FBRS: variants seen among roughly 807,000 people sequenced by gnomAD.
FBRS encodes probable fibrosin-1.
Under a neutral mutation model 86.1 loss-of-function variants are expected in FBRS, and 15 were observed. The observed-to-expected ratio is 0.17, with a 90% CI of 0.12 to 0.27. The LOEUF (loss-of-function observed/expected upper bound fraction) is 0.27. Among genes scored for constraint, FBRS ranks in the 10% least tolerant of loss-of-function variants. The pLI, the probability that FBRS is intolerant of heterozygous loss-of-function variation, is 1.00. For missense variants in FBRS, 1,367 were observed against 1,301.6 expected, an observed-to-expected ratio of 1.05 and a Z score of -0.77; for synonymous variants, 666 against 575.8, an observed-to-expected ratio of 1.16 and a Z score of -2.24.
chr16:30,664,380 TC>T lies in FBRS; in HGVS notation c.1226del (p.Pro409LeufsTer48). Reference sequence around the variant, plus strand: ...CCCTGCCTTTGTCCACCCACAGCTTTCCCCCTCCCGGGCTGCGGCCCCCCCC... The same window carrying T: ...CCCTGCCTTTGTCCACCCACAGCTTTCCCCTCCCGGGCTGCGGCCCCCCCC... ...LPLPLSTHSF[P>X]PPGLRPPPPP... is the part of the protein sequence containing the mutation. On this transcript the variant is annotated frameshift_variant, in exon 7 of 18. Transcript: ENST00000356166. LOFTEE classifies it high-confidence loss of function. The T allele has an allele frequency of 6.6e-7, 1 of 1,505,920 alleles. No homozygotes were observed. 93.3% of individuals were successfully genotyped at this position (1,505,920 alleles called of 1,614,324 possible). A position where few individuals can be genotyped will look rare whatever the true frequency, so the allele number is the denominator to read the frequency against.
Position 30,667,628 on chromosome 16 carries a change from A to G in FBRS, c.2074+6A>G. 1.1e-5 allele frequency: 16 copies of G among 1,503,106 alleles called. No individual in the cohort carries two copies. Among genetic ancestry groups the G allele is most frequent in the Non-Finnish European group, 1.4e-5 (16 of 1,126,532 alleles). 93.1% of individuals were successfully genotyped at this position (1,503,106 alleles called of 1,614,324 possible). A position where few individuals can be genotyped will look rare whatever the true frequency, so the allele number is the denominator to read the frequency against. Reference sequence around the variant, plus strand: ...GAGCCCCAGCACCCACATTGGTAAGAGCCAAGGGCGTGTTGGGCAACCCAG... The same window carrying G: ...GAGCCCCAGCACCCACATTGGTAAGGGCCAAGGGCGTGTTGGGCAACCCAG... On this transcript the variant is annotated splice_donor_region_variant and intron_variant, in intron 15 of 17. Coordinates refer to ENST00000356166, the MANE Select transcript of FBRS (RefSeq NM_001105079.3).
intron 3 of FBRS, 30 bp from the exon 4 acceptor site, chr16:30,661,274 C>T (rs2052457952): frequency 6.4e-6 from 10 of 1,550,816 alleles, no homozygotes; most frequent in Non-Finnish European, 8.7e-6. Flanking sequence ...TCTTCCCTCT[C>T]GTGACACCTC....
Position 30,665,380 on chromosome 16 carries a change from G to C in FBRS, c.1683G>C (p.Leu561=). 1 of 1,570,394 alleles carries C rather than the reference G, an allele frequency of 6.4e-7. No homozygotes were observed. Among genetic ancestry groups the C allele is most frequent in the Non-Finnish European group, 8.6e-7 (1 of 1,158,194 alleles). The change falls in exon 10 of 18, where the codon CTG becomes CTC. Residue 561 remains leucine (L), a synonymous_variant. Coordinates refer to ENST00000356166, the MANE Select transcript of FBRS (RefSeq NM_001105079.3). The surrounding 1 kb of genome is among the most constrained non-coding windows in gnomAD (Gnocchi z 4.1). ...GLPPAVSFGS[L]QGAFQPKSTN... The stretch of plus-strand genomic sequence containing the variant: ...CGCCGGCCGTCTCCTTTGGCTCCCT[G>C]CAGGGGGCCTTCCAGCCCAAGGTGA...
Position 30,664,885 on chromosome 16 carries a change from C to T in FBRS, c.1528C>T (p.Pro510Ser), listed in dbSNP as rs775970910. 3 of 1,609,436 alleles carry T rather than the reference C, an allele frequency of 1.9e-6. No homozygotes were observed. The highest frequency in any genetic ancestry group is 1.3e-5 in the African/African-American group (1 of 74,914). The change falls in exon 8 of 18, where the codon CCC becomes TCC. Residue 510 changes from proline to serine, a missense_variant. Transcript: ENST00000356166. ...QHTHQHFTPY[P>S]PGLLPPHGPH... The stretch of plus-strand genomic sequence containing the variant: ...CACCCACCAGCACTTCACCCCTTAT[C>T]CCCCGGGCCTGCTGCCACCCCACGG...
At chr16:30,661,068 G>T in intron 2 of FBRS, 112 bp from the exon 3 acceptor site, 1 of 1,488,864 alleles carries the variant, frequency 6.7e-7, no homozygotes, top group Non-Finnish European at 9.1e-7. Flanking sequence ...GCAGCTGGAA[G>T]GAGAGGCTGA....
chr16:30,664,405 C>A lies in FBRS; in HGVS notation c.1246C>A (p.Pro416Thr). The change falls in exon 7 of 18, where the codon CCA (proline) becomes ACA (threonine). Residue 416 changes from proline to threonine, a missense_variant. This residue lies in a region of FBRS where 702 missense variants were observed against 598.7 expected (regional missense o/e 1.17). Coordinates refer to ENST00000356166, the MANE Select transcript of FBRS (RefSeq NM_001105079.3). ...TCCCCCTCCCGGGCTGCGGCCCCCC[C>A]CACCACCCCACCACCCCTCCTTGTT... ...SFPPPGLRPP[P>T]PPHHPSLFSP... The A allele has an allele frequency of 3.6e-6, 5 of 1,381,778 alleles. No individual in the cohort carries two copies. The highest frequency in any genetic ancestry group is 3.9e-6 in the Non-Finnish European group (4 of 1,029,798). 85.6% of individuals were successfully genotyped at this position (1,381,778 alleles called of 1,614,324 possible). A position where few individuals can be genotyped will look rare whatever the true frequency, so the allele number is the denominator to read the frequency against.
In FBRS at chr16:30,665,165, G is replaced by T; in HGVS notation, c.1608+86G>T. The T allele has an allele frequency of 6.4e-7, 1 of 1,553,110 alleles. No individual in the cohort carries two copies. On this transcript the variant is annotated intron_variant, in intron 9 of 17. Transcript: ENST00000356166. The surrounding 1 kb of genome is among the most constrained non-coding windows in gnomAD (Gnocchi z 4.1). ...TTGTGACCCTGACTGCTGGGGTCCA[G>T]TCTTCAGCACAAAAGCAAGAGCCTT...
At chr16:30,660,808 C>T (rs1193747673) in intron 2 of FBRS, among the ~76,000 whole-genome samples, 1 of 152,156 alleles carries the variant, frequency 6.6e-6, no homozygotes, top group African/African-American at 2.4e-5. Context: ...CTACAGAAGA[C>T]AAAGATGGGG....
At chr16:30,666,158 G>C (rs1393056538) in intron 11 of FBRS, 4 of 450,418 alleles carry the variant, frequency 8.9e-6, no homozygotes, top group African/African-American at 2.0e-5. Flanking sequence ...CTAGGCCAGA[G>C]GTTTTCCAAC....
Position 30,662,726 on chromosome 16 carries a change from G to C in FBRS, c.922G>C (p.Val308Leu), listed in dbSNP as rs1344647145. The C allele has an allele frequency of 1.3e-6, 2 of 1,545,016 alleles. No homozygotes were observed. Among genetic ancestry groups the C allele is most frequent in the East Asian group, 4.9e-5 (2 of 40,798 alleles). ...PPPPPVPRPP[V>L]SPPAPLPATP... ...GCCTCCACCGGTCCCTCGGCCTCCTGTCTCACCCCCTGCACCCCTGCCGGC... is the reference window on the plus strand; with the variant it reads ...GCCTCCACCGGTCCCTCGGCCTCCTCTCTCACCCCCTGCACCCCTGCCGGC... Residue 308 changes from valine to leucine, a missense_variant, in exon 6 of 18, where the codon GTC becomes CTC. Val to Leu is a conservative substitution (Grantham distance 32). Around this residue, in one of 3 missense-constraint regions of FBRS, gnomAD observed 702 missense variants for 598.7 expected, o/e 1.17. Coordinates refer to ENST00000356166, the MANE Select transcript of FBRS (RefSeq NM_001105079.3).
At position 30,662,648 on chromosome 16, in the gene FBRS, C is replaced by G; in HGVS notation, c.844C>G (p.Gln282Glu). 1.9e-6 allele frequency: 3 copies of G among 1,547,056 alleles called. No individual in the cohort carries two copies. Among genetic ancestry groups the G allele is most frequent in the Non-Finnish European group, 2.6e-6 (3 of 1,144,710 alleles). Reference sequence around the variant, plus strand: ...GTCGGGCCTGGAGCGGAGCCAAGAACAGCCCCCGGGGCCCGACCCGCTGCT... The same window carrying G: ...GTCGGGCCTGGAGCGGAGCCAAGAAGAGCCCCCGGGGCCCGACCCGCTGCT... ...KVSGLERSQE[Q>E]PPGPDPLLVP... The change falls in exon 6 of 18, where the codon CAG becomes GAG. Residue 282 changes from glutamine to glutamate, a missense_variant. Gln to Glu is a conservative substitution (Grantham distance 29). This residue lies in a region of FBRS where 702 missense variants were observed against 598.7 expected (regional missense o/e 1.17). Coordinates refer to ENST00000356166, the MANE Select transcript of FBRS (RefSeq NM_001105079.3).
chr16:30,664,459 C>T lies in FBRS; in HGVS notation c.1300C>T (p.Pro434Ser). Reference sequence around the variant, plus strand: ...CCCTGGCCCCACCCTGCCCCCACCCCCACCCCTGCTGCAGGTGCCAGGGCA... The same window carrying T: ...CCCTGGCCCCACCCTGCCCCCACCCTCACCCCTGCTGCAGGTGCCAGGGCA... ...FSPGPTLPPP[P>S]PLLQVPGHPG... Residue 434 changes from proline (P) to serine (S), a missense_variant, in exon 7 of 18, where the codon CCA becomes TCA. This residue lies in a region of FBRS where 702 missense variants were observed against 598.7 expected (regional missense o/e 1.17). Transcript: ENST00000356166. 2 of 1,422,720 alleles carry T rather than the reference C, an allele frequency of 1.4e-6. No individual in the cohort carries two copies. Among genetic ancestry groups the T allele is most frequent in the Non-Finnish European group, 1.8e-6 (2 of 1,087,170 alleles). 88.1% of individuals were successfully genotyped at this position (1,422,720 alleles called of 1,614,324 possible).
chr16:30,663,213 G>A (rs745506003), intron 6 of FBRS: 5 of 211,126 alleles, frequency 2.4e-5, no homozygotes, highest in African/African-American at 9.2e-5. Context: ...TTGCTCTGAC[G>A]CTTCCTGGCT....
Position 30,665,517 on chromosome 16 carries a change from T to C in FBRS, c.1704+116T>C, listed in dbSNP as rs1480351985. 9 of 1,421,292 alleles carry C rather than the reference T, an allele frequency of 6.3e-6. No homozygotes were observed. Among genetic ancestry groups the C allele is most frequent in the African/African-American group, 4.3e-5 (3 of 70,366 alleles). The allele number at this position is 1,421,292 out of a possible 1,614,324, so 88.0% of individuals were successfully genotyped here. On this transcript the variant is annotated intron_variant, in intron 10 of 17. Coordinates refer to ENST00000356166, the MANE Select transcript of FBRS (RefSeq NM_001105079.3). The surrounding 1 kb of genome is among the most constrained non-coding windows in gnomAD (Gnocchi z 4.1). The stretch of plus-strand genomic sequence containing the variant: ...TCGTGCCCATCCTCCTGCCCTGCCC[T>C]GCTGCACCCAGTTTTCTCCAAAGCC...
At position 30,665,772 on chromosome 16, in the gene FBRS, TGAG is replaced by T. The variant is rs752782153; in HGVS notation, c.1773+70_1773+72del. On this transcript the variant is annotated intron_variant, in intron 11 of 17. Coordinates refer to ENST00000356166, the MANE Select transcript of FBRS (RefSeq NM_001105079.3). The surrounding 1 kb of genome is among the most constrained non-coding windows in gnomAD (Gnocchi z 4.1). ...TGTTGCGGGGAGAACAGAACTGACT[TGAG>T]GAGAGTGAACTGCTGATTCCTCCCT... The T allele has an allele frequency of 1.0e-3, 1,522 of 1,452,458 alleles. 5 individuals carry two copies. Among genetic ancestry groups the T allele is most frequent in the South Asian group, 2.2e-3 (177 of 81,392 alleles). The allele number at this position is 1,452,458 out of a possible 1,614,324, so 90.0% of individuals were successfully genotyped here. A position where few individuals can be genotyped will look rare whatever the true frequency, so the allele number is the denominator to read the frequency against.
intron 4 of FBRS, 80 bp from the exon 5 acceptor site, chr16:30,662,340 C>CTCTG: frequency 6.5e-7 from 1 of 1,544,818 alleles, no homozygotes; most frequent in Non-Finnish European, 8.7e-7. Flanking sequence ...TCCTAGCAGC[C>CTCTG]TCCAGAGGCT....
Position 30,668,974 on chromosome 16 carries a change from G to A in FBRS, c.2361G>A (p.Lys787=), listed in dbSNP as rs1026671866. The A allele has an allele frequency of 2.5e-6, 4 of 1,574,224 alleles. No individual in the cohort carries two copies. The highest frequency in any genetic ancestry group is 2.6e-6 in the Non-Finnish European group (3 of 1,162,096). ...AGCCCTCCATCACCAAGGAGGAGAA[G>A]GACAGGTGTGCCTCCCACCCACCCT... The part of the protein sequence containing the change: ...RREPSITKEE[K]DRDLPFSRPQ... The change falls in exon 17 of 18, where the codon AAG becomes AAA. Residue 787 remains lysine, a synonymous_variant. Coordinates refer to ENST00000356166, the MANE Select transcript of FBRS (RefSeq NM_001105079.3).
rs61738791 is a variant in FBRS at position 30,669,198 on chromosome 16, C to T, written c.2496C>T (p.Ala832=). ...AGGAAGAGCGGAAGGAGGAGGCTGCCGCCGCCGCTGCCGCTGCTGCTGCCG... is the reference window on the plus strand; with the variant it reads ...AGGAAGAGCGGAAGGAGGAGGCTGCTGCCGCCGCTGCCGCTGCTGCTGCCG... ...RVKEERKEEA[A]AAAAAAAAAA... Residue 832 remains alanine, a synonymous_variant, in exon 18 of 18, where the codon GCC becomes GCT. Coordinates refer to ENST00000356166, the MANE Select transcript of FBRS (RefSeq NM_001105079.3). The surrounding 1 kb of genome is among the most constrained non-coding windows in gnomAD (Gnocchi z 5.9). 38 of 1,545,522 alleles carry T rather than the reference C, an allele frequency of 2.5e-5. No individual in the cohort carries two copies. The highest frequency in any genetic ancestry group is 1.7e-4 in the Middle Eastern group (1 of 5,974).
At chr16:30,663,577 A>G (rs2052485684) in intron 6 of FBRS, among the ~76,000 whole-genome samples, 1 of 152,008 alleles carries the variant, frequency 6.6e-6, no homozygotes, top group Non-Finnish European at 1.5e-5. Context: ...TCAGATGGTT[A>G]CTTTGCTGGG....
Sources: gnomAD v4.1 joint callset for allele counts (sites outside exome capture counted in the v4.1 genomes callset) on GRCh38, gnomAD v4.1.1 for gene constraint, gnomAD v4.1.1 regional missense constraint, Gnocchi (gnomAD v3.1) non-coding constraint, MANE v1.5 for transcripts, NCBI Gene and HGNC (gene_info 2026-07-23, HGNC 2026-07-21) for gene names.